Variants in RASAL1 observed in about 807,000 individuals in gnomAD.
RASAL1 encodes rasGAP-activating-like protein 1.
In RASAL1, 72 loss-of-function variants were observed where a neutral mutation model predicts 96.6. That is an observed-to-expected ratio of 0.75 (90% CI 0.62 to 0.91). The LOEUF (loss-of-function observed/expected upper bound fraction) is 0.91. RASAL1 is among the 40% of genes least tolerant of loss of function. The probability of loss-of-function intolerance (pLI) is 0.00; values close to 1 mark genes in which losing one functional copy is unlikely to be tolerated. For synonymous variants in RASAL1, 405 were observed against 430.4 expected (o/e 0.94, Z 0.73); for missense variants, 1,016 against 1,072.5 (o/e 0.95, Z 0.74).
chr12:113,119,870 A>G lies in RASAL1; in HGVS notation c.429-427T>C, dbSNP rs77857590. On this transcript the variant is annotated intron_variant, in intron 5 of 20. Transcript: ENST00000548055. ...CCCCTCTCTAAGTCTTCATTTCCTT[A>G]CCTGGAAAATGGGAGTAATAACAGA... is the stretch of plus-strand genomic sequence containing the variant. 3.9e-5 allele frequency among the ~76,000 whole-genome samples: 6 copies of G among 152,288 alleles called. No homozygotes were observed. In the East Asian group the frequency reaches 1.2e-3, roughly 29 times the overall value.
At chr12:113,103,092 C>G (rs1164559212) in intron 18 of RASAL1, 1 of 326,862 alleles carries the variant, frequency 3.1e-6, no homozygotes, top group Non-Finnish European at 6.2e-6. Context: ...CATCTTGGCA[C>G]TTATAACATT....
intron 4 of RASAL1, among the ~76,000 whole-genome samples, 173 bp from the exon 5 acceptor site, chr12:113,121,811 T>C (rs1462343274): frequency 6.6e-6 from 1 of 151,976 alleles, no homozygotes; most frequent in African/African-American, 2.4e-5. Flanking sequence ...AACCTCTGCC[T>C]CCTGGGCTCA....
At chr12:113,110,909 C>T (rs1024167199) in intron 13 of RASAL1, among the ~76,000 whole-genome samples, 2 of 152,222 alleles carry the variant, frequency 1.3e-5, no homozygotes, top group African/African-American at 2.4e-5. Flanking sequence ...AGCAAGACCC[C>T]GTCTCAAAAG....
intron 15 of RASAL1, among the ~76,000 whole-genome samples, chr12:113,106,650 C>CT (rs72340533): frequency 0.12 from 17,592 of 149,996 alleles, 1,115 homozygotes; most frequent in Middle Eastern, 0.19. Context: ...TTCTTTCCTC[C>CT]TTTTTTTTTT....
At chr12:113,111,746 A>G (rs1489839223) in intron 13 of RASAL1, among the ~76,000 whole-genome samples, 1 of 152,054 alleles carries the variant, frequency 6.6e-6, no homozygotes, top group Non-Finnish European at 1.5e-5. Flanking sequence ...GGTGTGAGCC[A>G]CCATGCCCAG....
In RASAL1 at chr12:113,108,186, AG is replaced by A; in HGVS notation, c.1410del (p.Leu471CysfsTer68). On this transcript the variant is annotated frameshift_variant, in exon 14 of 21. Coordinates refer to ENST00000548055, the MANE Select transcript of RASAL1 (RefSeq NM_001301202.2). LOFTEE classifies it high-confidence loss of function. ...AGGATGGCAGGTGCGAAGAATCGCA[AG>A]AAGAGAAATCCACTGATGGCCAGGT... ...VKYLAISGFLFLRFFAPAILT... is the reference protein window; with the variant it reads ...VKYLAISGFLXLRFFAPAILT... 6.2e-7 allele frequency: 1 copy of A among 1,613,526 alleles called. No homozygotes were observed. Among genetic ancestry groups the A allele is most frequent in the Non-Finnish European group, 8.5e-7 (1 of 1,179,772 alleles).
At position 113,121,514 on chromosome 12, in the gene RASAL1, C is replaced by T. The variant is rs761502286; in HGVS notation, c.423G>A (p.Gln141=). ...QGRCLRCHVL[Q]ARDLAPRDIS... is the part of the protein sequence containing the mutation. ...CACCTCCACCTTAAGCATACCTGGC[C>T]TGAAGCACATGGCAGCGAAGGCAGC... Residue 141 remains glutamine, a synonymous_variant, in exon 5 of 21, where the codon CAG becomes CAA. Transcript: ENST00000548055. 1.2e-6 allele frequency: 2 copies of T among 1,614,194 alleles called. No homozygotes were observed. The highest frequency in any genetic ancestry group is 2.2e-5 in the East Asian group (1 of 44,888).
intron 5 of RASAL1, among the ~76,000 whole-genome samples, chr12:113,121,084 C>T (rs144525203): frequency 7.2e-5 from 11 of 152,316 alleles, no homozygotes; most frequent in African/African-American, 2.4e-4. Flanking sequence ...AAGAATGAAG[C>T]TAACACAGAG....
At chr12:113,105,541 A>G (rs894671563) in intron 16 of RASAL1, among the ~76,000 whole-genome samples, 173 bp downstream of exon 16, 4 of 152,250 alleles carry the variant, frequency 2.6e-5, no homozygotes, top group Non-Finnish European at 2.9e-5. Context: ...CTGTGCCCAC[A>G]TTGGCCTGAA....
At chr12:113,106,164 C>G (rs1950637882) in intron 15 of RASAL1, among the ~76,000 whole-genome samples, 1 of 152,142 alleles carries the variant, frequency 6.6e-6, no homozygotes, top group Non-Finnish European at 1.5e-5. Flanking sequence ...GGCAGCCACA[C>G]CCTATGGGGT....
Position 113,101,949 on chromosome 12 carries a change from T to A in RASAL1, c.2165A>T (p.Asp722Val). 6.2e-7 allele frequency: 1 copy of A among 1,614,122 alleles called. No homozygotes were observed. Among genetic ancestry groups the A allele is most frequent in the Non-Finnish European group, 8.5e-7 (1 of 1,180,014 alleles). ...CACTGTCTGGGCCTCAGCATCAGGATCCAGTGGGTCACTCCAGTCCCCCAG... is the reference window on the plus strand; with the variant it reads ...CACTGTCTGGGCCTCAGCATCAGGAACCAGTGGGTCACTCCAGTCCCCCAG... ...VTLGDWSDPL[D>V]PDAEAQTVYR... Residue 722 changes from aspartate to valine, a missense_variant, in exon 19 of 21, where the codon GAT becomes GTT. Coordinates refer to ENST00000548055, the MANE Select transcript of RASAL1 (RefSeq NM_001301202.2).
chr12:113,100,998 T>G (rs143194167), intron 19 of RASAL1, among the ~76,000 whole-genome samples: 92 of 152,336 alleles, frequency 6.0e-4, no homozygotes, highest in African/African-American at 1.9e-3. Context: ...AGCAGCAGCA[T>G]CATTATCACT....
chr12:113,134,881 AG>A (rs1951855876), intron 1 of RASAL1, among the ~76,000 whole-genome samples: 2 of 152,248 alleles, frequency 1.3e-5, no homozygotes, highest in South Asian at 4.1e-4. Context: ...TGGGGTCAAA[AG>A]GACCCTGGAG....
chr12:113,124,605 G>A (rs182407256), intron 4 of RASAL1, among the ~76,000 whole-genome samples: 6 of 152,296 alleles, frequency 3.9e-5, no homozygotes, highest in African/African-American at 7.2e-5. Flanking sequence ...TTTGGAGGCC[G>A]ACAAAACTTG....
chr12:113,114,473 CAAAAAAA>C (rs35235298), intron 12 of RASAL1, among the ~76,000 whole-genome samples: 1 of 138,810 alleles, frequency 7.2e-6, no homozygotes, highest in Non-Finnish European at 1.6e-5. Context: ...AACCTTGTCT[CAAAAAAA>C]AAAAAAAAAG....
At position 113,115,682 on chromosome 12, in the gene RASAL1, G is replaced by C; in HGVS notation, c.956C>G (p.Ala319Gly). The C allele has an allele frequency of 6.2e-7, 1 of 1,614,000 alleles. No individual in the cohort carries two copies. Among genetic ancestry groups the C allele is most frequent in the Non-Finnish European group, 8.5e-7 (1 of 1,180,010 alleles). The change falls in exon 10 of 21, where the codon GCT becomes GGT. Residue 319 changes from alanine to glycine, a missense_variant. Ala to Gly is a moderately conservative substitution (Grantham distance 60). Coordinates refer to ENST00000548055, the MANE Select transcript of RASAL1 (RefSeq NM_001301202.2). This position sits in a 1 kb window ranked among gnomAD's most constrained non-coding sequence, Gnocchi z 4.1. ...LVKLFLGRGL[A>G]GRFLDYLTRR... ...GGTGAGATAGTCCAGAAAGCGCCCA[G>C]CCAGTCCCCGGCCAAGAAAGAGTTT...
intron 2 of RASAL1, among the ~76,000 whole-genome samples, chr12:113,128,958 AACAC>A (rs769312195): frequency 6.8e-6 from 1 of 147,518 alleles, no homozygotes; most frequent in Non-Finnish European, 1.5e-5. Flanking sequence ...CAGTCATACA[AACAC>A]ACAGTCACTG....
chr12:113,108,307 G>A (rs1414930373), intron 13 of RASAL1, 85 bp from the exon 14 acceptor site: 6 of 1,458,578 alleles, frequency 4.1e-6, no homozygotes, highest in Non-Finnish European at 5.5e-6. Context: ...CTAGAAATTC[G>A]TGGTGCAAAG....
rs1408382092 is a variant in RASAL1 at position 113,129,533 on chromosome 12, C to T, written c.122+1352G>A. ...AAGCCCAGAAACAGGTGCACACACACAGCATCTCTGCCCTGACATCCCTGC... is the reference window on the plus strand; with the variant it reads ...AAGCCCAGAAACAGGTGCACACACATAGCATCTCTGCCCTGACATCCCTGC... On this transcript the variant is annotated intron_variant, in intron 2 of 20. Coordinates refer to ENST00000548055, the MANE Select transcript of RASAL1 (RefSeq NM_001301202.2). The surrounding 1 kb of genome is among the most constrained non-coding windows in gnomAD (Gnocchi z 5.0). Among the ~76,000 whole-genome samples the T allele has an allele frequency of 6.6e-6, 1 of 152,194 alleles. No homozygotes were observed. Among genetic ancestry groups the T allele is most frequent in the Admixed American group, 6.5e-5 (1 of 15,282 alleles).
Sources: allele counts gnomAD v4.1 joint callset (sites outside exome capture counted in the v4.1 genomes callset), GRCh38; gene constraint gnomAD v4.1.1; non-coding constraint Gnocchi (gnomAD v3.1); transcripts MANE v1.5; gene names NCBI Gene and HGNC (gene_info 2026-07-23, HGNC 2026-07-21).